Variants in SUN3 observed in about 807,000 individuals in gnomAD.
SUN3 encodes the protein SUN domain-containing protein 3.
In SUN3, 36 loss-of-function variants were observed where a neutral mutation model predicts 48.2. The observed-to-expected ratio is 0.75, with a 90% CI of 0.57 to 0.99. The LOEUF is 0.99. Among genes scored for constraint, SUN3 ranks in the 50% least tolerant of loss-of-function variants. The probability of loss-of-function intolerance (pLI) is 0.00; values close to 1 mark genes in which losing one functional copy is unlikely to be tolerated. For missense variants in SUN3, 419 were observed against 433.1 expected (o/e 0.97, Z 0.29); for synonymous variants, 148 against 147.9 (o/e 1.00, Z 0.00).
intron 3 of SUN3, among the ~76,000 whole-genome samples, chr7:48,009,385 G>T (rs1283028017): frequency 6.6e-6 from 1 of 152,150 alleles, no homozygotes; most frequent in Non-Finnish European, 1.5e-5. Context: ...TGAGAGGGAG[G>T]TTGGAAGAGG....
intron 8 of SUN3, among the ~76,000 whole-genome samples, chr7:47,990,676 A>T (rs1789033252): frequency 1.3e-5 from 2 of 151,846 alleles, no homozygotes; most frequent in Admixed American, 1.3e-4. Context: ...TATTCTCTTT[A>T]GCTTAAGACA....
intron 2 of SUN3, among the ~76,000 whole-genome samples, chr7:48,019,977 C>CAAAAAAAAAAAAACAAAAAAAAAAAAAA (rs1789941870): frequency 1.6e-5 from 1 of 64,144 alleles, no homozygotes; most frequent in African/African-American, 4.2e-5. Context: ...AAAGACACAT[C>CAAAAAAAAAAAAACAAAAAAAAAAAAAA]AAAAAAAAAA....
chr7:48,010,499 A>G (rs1789654818), intron 3 of SUN3, among the ~76,000 whole-genome samples: 1 of 152,196 alleles, frequency 6.6e-6, no homozygotes, highest in African/African-American at 2.4e-5. Context: ...ATCTTTGACT[A>G]TGTGCCAAGA....
upstream of SUN3, among the ~76,000 whole-genome samples, chr7:48,033,152 A>G (rs534938914): frequency 6.6e-6 from 1 of 152,364 alleles, no homozygotes; most frequent in African/African-American, 2.4e-5. Context: ...AAACATTGAG[A>G]TATTCTTATT....
intron 3 of SUN3, among the ~76,000 whole-genome samples, chr7:48,014,787 G>A (rs1165974768): frequency 6.6e-6 from 1 of 152,176 alleles, no homozygotes; most frequent in African/African-American, 2.4e-5. Flanking sequence ...TGAGGAATTG[G>A]CTTAAATGAT....
In SUN3 at chr7:48,007,343, C is replaced by A; in HGVS notation, c.330-16G>T. 1.2e-6 allele frequency: 2 copies of A among 1,610,046 alleles called. No individual in the cohort carries two copies. Among genetic ancestry groups the A allele is most frequent in the Non-Finnish European group, 8.5e-7 (1 of 1,177,688 alleles). On this transcript the variant is annotated splice_polypyrimidine_tract_variant and intron_variant, in intron 4 of 9. Transcript: ENST00000297325. ...GCTTTCCTTCCTGTAAAGGGAAAAT[C>A]TCAGCATGAGAGGAAGAAAGTGTAA...
At chr7:48,035,523 C>A in the SUN3 span, 4 of 697,702 alleles carry the variant, frequency 5.7e-6, no homozygotes, top group Non-Finnish European at 7.8e-6. This position sits in a 1 kb window ranked among gnomAD's most constrained non-coding sequence, Gnocchi z 4.0. Flanking sequence ...TGTTGTGGTT[C>A]CGCGGCGCGC....
intron 3 of SUN3, among the ~76,000 whole-genome samples, chr7:48,015,361 G>A (rs1789783474): frequency 2.6e-5 from 4 of 152,186 alleles, no homozygotes. Flanking sequence ...TATGCAGACT[G>A]AGTAGCGCCT....
At chr7:48,018,845 C>G (rs1334001122) in intron 2 of SUN3, among the ~76,000 whole-genome samples, 2 of 152,048 alleles carry the variant, frequency 1.3e-5, no homozygotes, top group Non-Finnish European at 2.9e-5. Flanking sequence ...CCTGAGGAAT[C>G]TGACATTGGA....
At chr7:48,007,800 A>T (rs1789572374) in intron 4 of SUN3, among the ~76,000 whole-genome samples, 1 of 150,526 alleles carries the variant, frequency 6.6e-6, no homozygotes, top group Admixed American at 6.6e-5. Context: ...CAGCCTGAGC[A>T]TGCAAGATTT....
intron 8 of SUN3, among the ~76,000 whole-genome samples, chr7:47,993,019 T>A (rs1056363452): frequency 6.6e-6 from 1 of 151,828 alleles, no homozygotes; most frequent in African/African-American, 2.4e-5. Context: ...CCCACGAGTT[T>A]GAAGTTGCAG....
At chr7:48,030,996 T>G (rs539767539), upstream of SUN3, among the ~76,000 whole-genome samples, 6 of 152,152 alleles carry the variant, frequency 3.9e-5, no homozygotes, top group Non-Finnish European at 8.8e-5. Context: ...TTGAAATAGA[T>G]AAAAGACTTA....
intron 3 of SUN3, among the ~76,000 whole-genome samples, chr7:48,013,172 C>A (rs573474678): frequency 2.0e-4 from 31 of 152,302 alleles, no homozygotes; most frequent in African/African-American, 6.5e-4. Flanking sequence ...TCAACAAAAT[C>A]TGGATCCTCA....
In SUN3 at chr7:48,017,256, T is replaced by C. The variant is rs113221887; in HGVS notation, c.288+6A>G. 5.3e-4 allele frequency: 792 copies of C among 1,499,500 alleles called. 11 individuals are homozygous for C. The African/African-American group carries it at 9.7e-3, about 18-fold the overall frequency. The allele number at this position is 1,499,500 out of a possible 1,614,324, so 92.9% of individuals were successfully genotyped here. A position where few individuals can be genotyped will look rare whatever the true frequency, so the allele number is the denominator to read the frequency against. On this transcript the variant is annotated splice_donor_region_variant and intron_variant, in intron 3 of 9. Transcript: ENST00000297325. ...TGATATACAAAATTACTTAACAAAATATCACCTGATATTTATAAAGCCTTG... is the reference window on the plus strand; with the variant it reads ...TGATATACAAAATTACTTAACAAAACATCACCTGATATTTATAAAGCCTTG...
intron 6 of SUN3, among the ~76,000 whole-genome samples, chr7:47,999,701 T>G (rs1433422876): frequency 6.6e-6 from 1 of 152,104 alleles, no homozygotes; most frequent in African/African-American, 2.4e-5. Flanking sequence ...CGCGCCTGGC[T>G]GTTTTGTATT....
At chr7:48,001,522 G>GTTTTTTTTTTTTTTTTTT (rs1286421253) in intron 6 of SUN3, among the ~76,000 whole-genome samples, 5 of 121,888 alleles carry the variant, frequency 4.1e-5, no homozygotes, top group Admixed American at 8.6e-5. Flanking sequence ...TGTCTTTTCT[G>GTTTTTTTTTTTTTTTTTT]TTTTTTTTGT....
At chr7:47,998,642 A>C (rs369925568) in intron 6 of SUN3, among the ~76,000 whole-genome samples, 15 of 152,064 alleles carry the variant, frequency 9.9e-5, no homozygotes, top group African/African-American at 3.4e-4. Context: ...ACTCTAAAAA[A>C]TTTCGCTTAT....
intron 1 of SUN3, among the ~76,000 whole-genome samples, chr7:48,026,469 A>G (rs1022615574): frequency 1.3e-5 from 2 of 152,048 alleles, no homozygotes; most frequent in Non-Finnish European, 2.9e-5. Context: ...TCTTTTCTGT[A>G]TAATTGTACA....
Position 48,025,939 on chromosome 7 carries a change from CT to C in SUN3, c.123-2del. ...AATAATCTTCCATGATCGAGTTACC[CT>C]AAAAGAATAAAAACAATGATTAGAA... On this transcript the variant is annotated splice_acceptor_variant, in intron 1 of 9. Coordinates refer to ENST00000297325, the MANE Select transcript of SUN3 (RefSeq NM_001030019.2). LOFTEE classifies it high-confidence loss of function. 6.3e-7 allele frequency: 1 copy of C among 1,588,786 alleles called. No individual in the cohort carries two copies. The highest frequency in any genetic ancestry group is 8.6e-7 in the Non-Finnish European group (1 of 1,161,988).
Sources: gnomAD v4.1 joint callset for allele counts (sites outside exome capture counted in the v4.1 genomes callset) on GRCh38, gnomAD v4.1.1 for gene constraint, Gnocchi (gnomAD v3.1) non-coding constraint, MANE v1.5 for transcripts, NCBI Gene and HGNC (gene_info 2026-07-23, HGNC 2026-07-21) for gene names.